Variants in SLC9A9 observed in about 807,000 individuals in gnomAD.
SLC9A9 encodes sodium/hydrogen exchanger 9.
A neutral mutation model predicts 77.8 loss-of-function variants in SLC9A9; 62 were observed. The ratio of observed to expected loss-of-function variants is 0.80; its 90% CI spans 0.65 to 0.98. The LOEUF (loss-of-function observed/expected upper bound fraction) is 0.98. SLC9A9 is among the 50% of genes least tolerant of loss of function. The probability of loss-of-function intolerance (pLI) is 0.00; values close to 1 mark genes in which losing one functional copy is unlikely to be tolerated. For synonymous variants in SLC9A9, 320 were observed against 283.5 expected, an observed-to-expected ratio of 1.13 and a Z score of -1.29; for missense variants, 775 against 774.9, an observed-to-expected ratio of 1.00 and a Z score of 0.00.
chr3:143,502,117 T>A (rs2035933158), intron 9 of SLC9A9, among the ~76,000 whole-genome samples: 1 of 151,138 alleles, frequency 6.6e-6, no homozygotes, highest in Non-Finnish European at 1.5e-5. Context: ...TCCTCCCCAC[T>A]CAGGGTCAGT....
intron 1 of SLC9A9, among the ~76,000 whole-genome samples, chr3:143,834,809 A>G (rs528550099): frequency 2.0e-5 from 3 of 152,226 alleles, no homozygotes; most frequent in African/African-American, 7.2e-5. Flanking sequence ...GAACAGAGGA[A>G]GCTGCTTGCT....
chr3:143,554,725 TCTC>T (rs1034790157), intron 8 of SLC9A9, among the ~76,000 whole-genome samples: 2 of 152,144 alleles, frequency 1.3e-5, no homozygotes, highest in Admixed American at 6.5e-5. Flanking sequence ...GCTGACCTCT[TCTC>T]TGACCACTCC....
At chr3:143,317,993 C>T (rs917482655) in intron 14 of SLC9A9, among the ~76,000 whole-genome samples, 42 of 152,216 alleles carry the variant, frequency 2.8e-4, no homozygotes, top group Non-Finnish European at 4.4e-5. Context: ...TCCCAAAGTG[C>T]TGGGATTACA....
chr3:143,280,648 T>A (rs1440220281), intron 14 of SLC9A9, among the ~76,000 whole-genome samples: 1 of 151,376 alleles, frequency 6.6e-6, no homozygotes, highest in Non-Finnish European at 1.5e-5. Context: ...GCCCCCAAGT[T>A]CAAGCGATTC....
In SLC9A9 at chr3:143,293,724, G is replaced by C. The variant is rs113866834; in HGVS notation, c.1605-24744C>G. On this transcript the variant is annotated intron_variant, in intron 14 of 15. Coordinates refer to ENST00000316549, the MANE Select transcript of SLC9A9 (RefSeq NM_173653.4). ...ATTTGGCCTGGAATTGGAAATTCTT[G>C]AATAACGTGACACTCAAGCATTGGG... Among the ~76,000 whole-genome samples, 332 of 152,230 alleles carry C rather than the reference G, an allele frequency of 2.2e-3. 2 individuals carry two copies. The highest frequency in any genetic ancestry group is 7.3e-3 in the African/African-American group (304 of 41,548).
intron 5 of SLC9A9, among the ~76,000 whole-genome samples, chr3:143,674,025 T>A (rs2039199121): frequency 6.6e-6 from 1 of 152,216 alleles, no homozygotes; most frequent in Non-Finnish European, 1.5e-5. Flanking sequence ...GATAGTGTTA[T>A]CTAAAAATCC....
intron 13 of SLC9A9, among the ~76,000 whole-genome samples, chr3:143,377,006 G>A (rs1316226935): frequency 6.6e-6 from 1 of 152,158 alleles, no homozygotes; most frequent in African/African-American, 2.4e-5. Context: ...ATGGAAAAAT[G>A]TTGATAACTG....
intron 14 of SLC9A9, among the ~76,000 whole-genome samples, chr3:143,358,577 G>C (rs1182167296): frequency 1.3e-5 from 2 of 152,156 alleles, no homozygotes; most frequent in Non-Finnish European, 2.9e-5. Flanking sequence ...TGGTAAATGA[G>C]AGAATGGAAA....
chr3:143,748,678 T>G (rs1219896830), intron 4 of SLC9A9, among the ~76,000 whole-genome samples: 1 of 150,474 alleles, frequency 6.6e-6, no homozygotes, highest in Non-Finnish European at 1.5e-5. Flanking sequence ...GCAAAGAGTC[T>G]CTTTTTGACC....
rs529691372 is a variant in SLC9A9, at chr3:143,841,062, C to T, written c.175+7086G>A. ...AGCAATTATTCTAGGACTACATAAG[C>T]GATAGAGGTGAAAGAACAGAGGTTA... On this transcript the variant is annotated intron_variant, in intron 1 of 15. Coordinates refer to ENST00000316549, the MANE Select transcript of SLC9A9 (RefSeq NM_173653.4). 6.6e-5 allele frequency among the ~76,000 whole-genome samples: 10 copies of T among 152,184 alleles called. No individual in the cohort carries two copies. In the South Asian group the frequency reaches 1.7e-3, roughly 25 times the overall value.
chr3:143,265,243 T>G lies in SLC9A9; in HGVS notation c.*1459A>C, dbSNP rs1039952799. 1.3e-5 allele frequency: 2 copies of G among 152,210 alleles called. No individual in the cohort carries two copies. Among genetic ancestry groups the G allele is most frequent in the African/African-American group, 4.8e-5 (2 of 41,444 alleles). The allele number at this position is 152,210 out of a possible 1,614,324, so 9.4% of individuals were successfully genotyped here. A position where few individuals can be genotyped will look rare whatever the true frequency, so the allele number is the denominator to read the frequency against. ...ATCATACTTTGTAACAAAAATTTAT[T>G]AGGATTAAGTCAAATTAGAAAACTT... On this transcript the variant is annotated 3_prime_UTR_variant, in exon 16 of 16. Transcript: ENST00000316549.
intron 4 of SLC9A9, among the ~76,000 whole-genome samples, chr3:143,772,599 G>A (rs1362220055): frequency 6.6e-6 from 1 of 152,178 alleles, no homozygotes; most frequent in African/African-American, 2.4e-5. Flanking sequence ...GGAAGGAACT[G>A]TAGCCACTAC....
chr3:143,417,505 AGG>A (rs2034217339), intron 12 of SLC9A9, among the ~76,000 whole-genome samples: 1 of 84,986 alleles, frequency 1.2e-5, no homozygotes, highest in South Asian at 4.2e-4. Context: ...GGGAGGGAGG[AGG>A]GGGAGAAAGG....
intron 9 of SLC9A9, among the ~76,000 whole-genome samples, chr3:143,499,918 A>G (rs962204271): frequency 6.6e-6 from 1 of 152,218 alleles, no homozygotes; most frequent in Non-Finnish European, 1.5e-5. Flanking sequence ...CATTCCTGCA[A>G]TAAACCTTAC....
At chr3:143,365,254 C>A (rs969427724) in intron 13 of SLC9A9, among the ~76,000 whole-genome samples, 1 of 151,994 alleles carries the variant, frequency 6.6e-6, no homozygotes, top group Admixed American at 6.5e-5. Flanking sequence ...AAGATGGAAA[C>A]AATATACACT....
chr3:143,469,382 G>A (rs1209167601), intron 11 of SLC9A9, among the ~76,000 whole-genome samples: 2 of 152,164 alleles, frequency 1.3e-5, no homozygotes, highest in African/African-American at 2.4e-5. Context: ...GATTTATAAC[G>A]ACACCTAGTA....
intron 4 of SLC9A9, among the ~76,000 whole-genome samples, chr3:143,737,877 C>T (rs565595096): frequency 6.2e-4 from 95 of 152,254 alleles, no homozygotes; most frequent in African/African-American, 2.3e-3. Context: ...GCAGCAAGAA[C>T]GTATACTCTT....
chr3:143,354,526 G>A (rs2032540204), intron 14 of SLC9A9, among the ~76,000 whole-genome samples: 1 of 152,180 alleles, frequency 6.6e-6, no homozygotes, highest in Non-Finnish European at 1.5e-5. Flanking sequence ...ACTGGCAGGT[G>A]GTAATATGTG....
chr3:143,798,718 T>C (rs976037867), intron 2 of SLC9A9, among the ~76,000 whole-genome samples: 1 of 152,186 alleles, frequency 6.6e-6, no homozygotes, highest in Non-Finnish European at 1.5e-5. Flanking sequence ...ATAATTCTTG[T>C]CGTAAAATGG....
Sources: allele counts gnomAD v4.1 joint callset (sites outside exome capture counted in the v4.1 genomes callset), GRCh38; gene constraint gnomAD v4.1.1; transcripts MANE v1.5; gene names NCBI Gene and HGNC (gene_info 2026-07-23, HGNC 2026-07-21).